Variants in KLHL1 observed in about 807,000 individuals in gnomAD.
KLHL1 encodes kelch-like protein 1.
In KLHL1, 47 loss-of-function variants were observed where a neutral mutation model predicts 77.7. That is an observed-to-expected ratio of 0.60 (90% CI 0.48 to 0.77). The LOEUF (loss-of-function observed/expected upper bound fraction) is 0.77, where lower values mean the gene tolerates loss of function less well. Among genes scored for constraint, KLHL1 ranks in the 30% least tolerant of loss-of-function variants. KLHL1 has a pLI of 0.00. For synonymous variants in KLHL1, 360 were observed against 325.2 expected, an observed-to-expected ratio of 1.11 and a Z score of -1.15; for missense variants, 925 against 910.8, an observed-to-expected ratio of 1.02 and a Z score of -0.20.
chr13:70,037,599 T>C (rs895885115), intron 1 of KLHL1, among the ~76,000 whole-genome samples: 4 of 152,078 alleles, frequency 2.6e-5, no homozygotes, highest in Non-Finnish European at 5.9e-5. Context: ...GTCTCTTCTT[T>C]AGTTTCTTTT....
intron 5 of KLHL1, 81 bp downstream of exon 5, chr13:69,882,201 TA>T: frequency 1.1e-6 from 1 of 941,950 alleles, no homozygotes; most frequent in Non-Finnish European, 1.7e-6. Flanking sequence ...AATACCTAAT[TA>T]AAAATGTGTT....
chr13:69,740,648 G>T, intron 7 of KLHL1, 92 bp from the exon 8 acceptor site: 2 of 841,426 alleles, frequency 2.4e-6, no homozygotes, highest in Non-Finnish European at 3.5e-6. Context: ...CATGTTAAGT[G>T]TCCCTAACAT....
chr13:70,040,458 T>A (rs1886348921), intron 1 of KLHL1, among the ~76,000 whole-genome samples: 1 of 152,164 alleles, frequency 6.6e-6, no homozygotes, highest in African/African-American at 2.4e-5. Flanking sequence ...TCCAATATTT[T>A]AAAAAATTCT....
chr13:69,974,635 C>T (rs1247368785), intron 2 of KLHL1, among the ~76,000 whole-genome samples: 2 of 151,726 alleles, frequency 1.3e-5, no homozygotes, highest in Admixed American at 1.3e-4. Flanking sequence ...TGGTTGACAC[C>T]TCCTGTCTTC....
intron 4 of KLHL1, among the ~76,000 whole-genome samples, chr13:69,926,282 G>T (rs1882810633): frequency 6.6e-6 from 1 of 151,938 alleles, no homozygotes; most frequent in Non-Finnish European, 1.5e-5. Flanking sequence ...GAAATTCAAG[G>T]ATTATTATAT....
chr13:69,887,900 C>T (rs916288632), intron 4 of KLHL1, among the ~76,000 whole-genome samples: 7 of 152,144 alleles, frequency 4.6e-5, no homozygotes, highest in African/African-American at 1.7e-4. Context: ...TTATGTAGTT[C>T]CAAAGCCTCT....
chr13:70,043,040 G>T (rs1288500366), intron 1 of KLHL1, among the ~76,000 whole-genome samples: 2 of 152,094 alleles, frequency 1.3e-5, no homozygotes, highest in Non-Finnish European at 2.9e-5. Context: ...TGAGTAGCTG[G>T]GATTATAGGC....
At chr13:70,087,933 G>T (rs531181387) in intron 1 of KLHL1, among the ~76,000 whole-genome samples, 105 of 152,222 alleles carry the variant, frequency 6.9e-4, no homozygotes, top group African/African-American at 2.4e-3. Flanking sequence ...GGGGCATAGG[G>T]AAGGGAGAGC....
At chr13:69,944,189 T>C (rs1390831741) in intron 3 of KLHL1, among the ~76,000 whole-genome samples, 1 of 152,196 alleles carries the variant, frequency 6.6e-6, no homozygotes, top group Non-Finnish European at 1.5e-5. Context: ...TTTTCCCTTC[T>C]GGGAGTCTGA....
intron 5 of KLHL1, among the ~76,000 whole-genome samples, chr13:69,847,600 A>G (rs1406164129): frequency 6.6e-6 from 1 of 151,434 alleles, no homozygotes; most frequent in Non-Finnish European, 1.5e-5. Context: ...CTCTTCTAAA[A>G]CTATATCCTT....
intron 1 of KLHL1, among the ~76,000 whole-genome samples, chr13:69,980,975 C>G (rs1158680638): frequency 6.6e-6 from 1 of 152,138 alleles, no homozygotes; most frequent in Non-Finnish European, 1.5e-5. Flanking sequence ...CCATACACCA[C>G]ACAGATGTGT....
intron 9 of KLHL1, among the ~76,000 whole-genome samples, chr13:69,713,344 T>C (rs529144135): frequency 6.6e-6 from 1 of 152,304 alleles, no homozygotes; most frequent in South Asian, 2.1e-4. Flanking sequence ...AAAATGGTAT[T>C]AGCCGTCATT....
chr13:69,887,443 A>G (rs1227477620), intron 4 of KLHL1, among the ~76,000 whole-genome samples: 1 of 152,114 alleles, frequency 6.6e-6, no homozygotes, highest in East Asian at 1.9e-4. Flanking sequence ...AATCTTTAAG[A>G]TCTGCTTCCC....
intron 1 of KLHL1, among the ~76,000 whole-genome samples, chr13:70,032,555 T>C (rs1295909405): frequency 2.6e-5 from 4 of 152,218 alleles, no homozygotes; most frequent in African/African-American, 9.6e-5. Flanking sequence ...CTGTAAAATA[T>C]TAGTATCTCA....
intron 6 of KLHL1, among the ~76,000 whole-genome samples, chr13:69,835,616 T>C (rs1878956830): frequency 6.6e-6 from 1 of 152,140 alleles, no homozygotes; most frequent in African/African-American, 2.4e-5. Flanking sequence ...GGAAGGCATC[T>C]GCAAAATGTA....
intron 4 of KLHL1, among the ~76,000 whole-genome samples, chr13:69,932,603 C>T (rs1005009583): frequency 1.3e-4 from 20 of 151,988 alleles, no homozygotes; most frequent in African/African-American, 4.8e-4. Context: ...ATTGTTGCCA[C>T]AGCATCAACT....
At chr13:69,798,986 G>C (rs9542091) in intron 6 of KLHL1, among the ~76,000 whole-genome samples, 2,868 of 152,176 alleles carry the variant, frequency 0.019, 63 homozygotes, top group Middle Eastern at 0.048. Context: ...CTACTCAGGA[G>C]GCTAAGGCAA....
chr13:70,031,129 GA>G (rs955384711), intron 1 of KLHL1, among the ~76,000 whole-genome samples: 89 of 127,444 alleles, frequency 7.0e-4, no homozygotes, highest in Non-Finnish European at 1.2e-3. Context: ...AAAAAACCCA[GA>G]TGTTAGCTTT....
chr13:69,860,459 T>C (rs1456289968), intron 5 of KLHL1, among the ~76,000 whole-genome samples: 1 of 151,930 alleles, frequency 6.6e-6, no homozygotes, highest in Non-Finnish European at 1.5e-5. Flanking sequence ...ATGAATAATA[T>C]AGCATAAAAT....
Sources: gnomAD v4.1 joint callset for allele counts (sites outside exome capture counted in the v4.1 genomes callset) on GRCh38, gnomAD v4.1.1 for gene constraint, MANE v1.5 for transcripts, NCBI Gene and HGNC (gene_info 2026-07-23, HGNC 2026-07-21) for gene names.